Variants in GPAT3 observed in about 807,000 individuals in gnomAD.
GPAT3 encodes glycerol-3-phosphate acyltransferase 3.
In GPAT3, 53 loss-of-function variants were observed where a neutral mutation model predicts 58.8. The ratio of observed to expected loss-of-function variants is 0.90; its 90% CI spans 0.72 to 1.13. The LOEUF (loss-of-function observed/expected upper bound fraction) is 1.13, where lower values mean the gene tolerates loss of function less well. GPAT3 is among the 50% of genes most tolerant of loss of function. The pLI, the probability that GPAT3 is intolerant of heterozygous loss-of-function variation, is 0.00. For synonymous variants in GPAT3, 197 were observed against 187.4 expected (o/e 1.05, Z -0.42); for missense variants, 511 against 527.6 (o/e 0.97, Z 0.31).
Position 83,536,381 on chromosome 4 carries a change from G to A in GPAT3, c.-242G>A. On this transcript the variant is annotated 5_prime_UTR_variant, in exon 1 of 12. Coordinates refer to ENST00000264409, the MANE Select transcript of GPAT3 (RefSeq NM_032717.5). Reference sequence around the variant, plus strand: ...GTCTCCGCACGCCGCGGTGGCTTCAGCCCAGACCTGGGCAGCCAGCGGAGA... The same window carrying A: ...GTCTCCGCACGCCGCGGTGGCTTCAACCCAGACCTGGGCAGCCAGCGGAGA... The A allele has an allele frequency of 2.3e-5, 30 of 1,305,280 alleles. No individual in the cohort carries two copies. Among genetic ancestry groups the A allele is most frequent in the Non-Finnish European group, 2.8e-5 (29 of 1,025,062 alleles). 80.9% of individuals were successfully genotyped at this position (1,305,280 alleles called of 1,614,324 possible).
intron 2 of GPAT3, among the ~76,000 whole-genome samples, chr4:83,579,149 C>CTCTCTT (rs1488916747): frequency 1.1e-5 from 1 of 93,072 alleles, no homozygotes. Context: ...CTCCCTCCCT[C>CTCTCTT]TCTCTCTTTC....
intron 2 of GPAT3, among the ~76,000 whole-genome samples, chr4:83,546,379 GTTTT>G (rs373055285): frequency 7.3e-6 from 1 of 136,118 alleles, no homozygotes; most frequent in African/African-American, 2.8e-5. Context: ...CGTGGATTTA[GTTTT>G]TTTTTTTTTT....
intron 1 of GPAT3, among the ~76,000 whole-genome samples, chr4:83,541,869 C>T (rs941697512): frequency 7.2e-5 from 11 of 152,188 alleles, no homozygotes; most frequent in Non-Finnish European, 1.3e-4. Context: ...TAGTAGTATC[C>T]TCACGTGGCC....
intron 2 of GPAT3, among the ~76,000 whole-genome samples, chr4:83,579,017 C>CCTCT (rs1725952797): frequency 8.6e-5 from 4 of 46,496 alleles, no homozygotes; most frequent in Admixed American, 7.9e-4. Flanking sequence ...TCCTTCTTTC[C>CCTCT]CTTTCTTTCT....
chr4:83,598,775 TTTTTTTTTTTTTA>T (rs1395160416), intron 11 of GPAT3, 52 bp downstream of exon 11: 1 of 1,271,668 alleles, frequency 7.9e-7, no homozygotes, highest in Non-Finnish European at 1.1e-6. Flanking sequence ...TTTTTTTTTT[TTTTTTTTTTTTTA>T]GAGAATGCCT....
chr4:83,549,723 ATTATTG>A lies in GPAT3; in HGVS notation c.208+5127_208+5132del, dbSNP rs202244398. Among the ~76,000 whole-genome samples, 55 of 146,186 alleles carry A rather than the reference ATTATTG, an allele frequency of 3.8e-4. No individual in the cohort carries two copies. In the East Asian group the frequency reaches 8.5e-3, roughly 23 times the overall value. ...ATTTTTGTATATATTTATTATTATT[ATTATTG>A]TTATTATTATTGAGATGGAGTCTGG... On this transcript the variant is annotated intron_variant, in intron 2 of 11. Coordinates refer to ENST00000264409, the MANE Select transcript of GPAT3 (RefSeq NM_032717.5).
chr4:83,556,206 C>G (rs913669726), intron 2 of GPAT3, among the ~76,000 whole-genome samples: 2 of 152,108 alleles, frequency 1.3e-5, no homozygotes, highest in Admixed American at 6.6e-5. Flanking sequence ...TTAGCTGTAT[C>G]CAAATCAACA....
chr4:83,582,725 GT>G (rs1726193756), intron 3 of GPAT3, among the ~76,000 whole-genome samples: 1 of 152,112 alleles, frequency 6.6e-6, no homozygotes, highest in Non-Finnish European at 1.5e-5. Flanking sequence ...ACCAGGGAAA[GT>G]ATTGCTTAAC....
intron 2 of GPAT3, among the ~76,000 whole-genome samples, chr4:83,579,153 CTCTT>C (rs1726009118): frequency 1.5e-5 from 2 of 136,960 alleles, no homozygotes; most frequent in Non-Finnish European, 3.2e-5. Flanking sequence ...CTCCCTCTCT[CTCTT>C]TCTCTCTTTC....
At chr4:83,549,744 A>C (rs1310037360) in intron 2 of GPAT3, among the ~76,000 whole-genome samples, 1 of 148,604 alleles carries the variant, frequency 6.7e-6, no homozygotes, top group Non-Finnish European at 1.5e-5. Context: ...TATTATTGAG[A>C]TGGAGTCTGG....
chr4:83,593,101 A>T (rs1216906044), intron 6 of GPAT3, among the ~76,000 whole-genome samples: 6 of 149,352 alleles, frequency 4.0e-5, no homozygotes, highest in Non-Finnish European at 5.9e-5. Context: ...TCCTGACCTC[A>T]GGTGATCCAC....
At chr4:83,561,050 G>A (rs939095170) in intron 2 of GPAT3, among the ~76,000 whole-genome samples, 1 of 152,174 alleles carries the variant, frequency 6.6e-6, no homozygotes, top group Non-Finnish European at 1.5e-5. Context: ...AATACAACTG[G>A]CGTCAGGCCT....
rs1056748136 is a variant in GPAT3 at position 83,588,364 on chromosome 4, G to A, written c.644+65G>A. ...AATTCAGCATGAGATTGACAAGGAA[G>A]CATTGGAAGTGGTTGGGAAGAAGTG... On this transcript the variant is annotated intron_variant, in intron 5 of 11. Coordinates refer to ENST00000264409, the MANE Select transcript of GPAT3 (RefSeq NM_032717.5). 54 of 1,493,594 alleles carry A rather than the reference G, an allele frequency of 3.6e-5. No homozygotes were observed. The African/African-American group carries it at 6.4e-4, about 18-fold the overall frequency. The allele number at this position is 1,493,594 out of a possible 1,614,324, so 92.5% of individuals were successfully genotyped here. A position where few individuals can be genotyped will look rare whatever the true frequency, so the allele number is the denominator to read the frequency against.
At position 83,536,704 on chromosome 4, in the gene GPAT3, T is replaced by G. The variant is rs1192541947; in HGVS notation, c.82T>G (p.Phe28Val). The change falls in exon 1 of 12, where the codon TTC becomes GTC. Residue 28 changes from phenylalanine to valine, a missense_variant. Transcript: ENST00000264409. Reference protein sequence around the residue: ...VLGFILLPSVFGVSLGISEIY... With the variant: ...VLGFILLPSVVGVSLGISEIY... ...CGGCTTCATCCTTTTACCTTCGGTC[T>G]TCGGAGTGTCTCTGGGCATCTCCGA... is the stretch of plus-strand genomic sequence containing the variant. 1.9e-6 allele frequency: 3 copies of G among 1,613,670 alleles called. No individual in the cohort carries two copies. The highest frequency in any genetic ancestry group is 2.2e-5 in the South Asian group (2 of 91,026).
At chr4:83,594,780 C>T in intron 6 of GPAT3, 65 bp from the exon 7 acceptor site, 1 of 1,345,510 alleles carries the variant, frequency 7.4e-7, no homozygotes, top group Non-Finnish European at 1.1e-6. Context: ...TTTGTTGGTA[C>T]TTAAAAAACT....
chr4:83,572,666 T>C (rs1443047683), intron 2 of GPAT3, among the ~76,000 whole-genome samples: 2 of 152,212 alleles, frequency 1.3e-5, no homozygotes, highest in East Asian at 3.8e-4. Context: ...TCCTTTTACA[T>C]ACTTCAGGAC....
At position 83,572,340 on chromosome 4, in the gene GPAT3, C is replaced by A. The variant is rs545153789; in HGVS notation, c.209-9222C>A. On this transcript the variant is annotated intron_variant, in intron 2 of 11. Transcript: ENST00000264409. ...ATGAGGAAATTGATCCTCAGCTAAG[C>A]TGATATCTCCAACAAATTTCTTAAG... is the stretch of plus-strand genomic sequence containing the variant. Among the ~76,000 whole-genome samples the A allele has an allele frequency of 9.8e-5, 15 of 152,304 alleles. No individual in the cohort carries two copies. In the East Asian group the frequency reaches 2.9e-3, roughly 29 times the overall value.
At chr4:83,587,416 T>G in intron 4 of GPAT3, 87 bp downstream of exon 4, 1 of 1,147,020 alleles carries the variant, frequency 8.7e-7, no homozygotes, top group Non-Finnish European at 1.3e-6. Flanking sequence ...TTGATTCCTA[T>G]GTATTGCATT....
intron 2 of GPAT3, among the ~76,000 whole-genome samples, chr4:83,552,113 G>A (rs1452751400): frequency 6.6e-6 from 1 of 152,110 alleles, no homozygotes; most frequent in African/African-American, 2.4e-5. Context: ...TGAAACCTAT[G>A]GAACAAAGGA....
Sources: gnomAD v4.1 joint callset for allele counts (sites outside exome capture counted in the v4.1 genomes callset) on GRCh38, gnomAD v4.1.1 for gene constraint, MANE v1.5 for transcripts, NCBI Gene and HGNC (gene_info 2026-07-23, HGNC 2026-07-21) for gene names.